Variants in ARPP21 observed in about 807,000 individuals in gnomAD.
The protein encoded by ARPP21 is cAMP-regulated phosphoprotein 21.
ARPP21 carries 69 observed loss-of-function variants against 113.2 expected under a neutral mutation model. The ratio of observed to expected loss-of-function variants is 0.61; its 90% CI spans 0.50 to 0.74. The LOEUF is 0.74. ARPP21 is among the 30% of genes least tolerant of loss of function. The pLI, the probability that ARPP21 is intolerant of heterozygous loss-of-function variation, is 0.00. For synonymous variants in ARPP21, 368 were observed against 375.5 expected, an observed-to-expected ratio of 0.98 and a Z score of 0.23; for missense variants, 1,070 against 1,037.4, an observed-to-expected ratio of 1.03 and a Z score of -0.43.
intron 19 of ARPP21, among the ~76,000 whole-genome samples, chr3:35,745,583 T>C (rs991627627): frequency 1.3e-5 from 2 of 152,192 alleles, no homozygotes; most frequent in Non-Finnish European, 1.5e-5. Context: ...ACTAAACCCA[T>C]AAACTCTAGA....
intron 13 of ARPP21, among the ~76,000 whole-genome samples, chr3:35,720,411 G>T (rs948475980): frequency 2.0e-5 from 3 of 152,284 alleles, no homozygotes; most frequent in African/African-American, 7.2e-5. Flanking sequence ...TTTTGTCGGT[G>T]AGTATTTCAA....
chr3:35,698,402 G>GAAAC (rs2084917892), intron 9 of ARPP21, among the ~76,000 whole-genome samples: 1 of 151,578 alleles, frequency 6.6e-6, no homozygotes, highest in Non-Finnish European at 1.5e-5. Context: ...TTTTGAAAAT[G>GAAAC]AAACATGCGT....
chr3:35,762,941 T>C (rs2095835955), intron 19 of ARPP21, among the ~76,000 whole-genome samples: 1 of 152,116 alleles, frequency 6.6e-6, no homozygotes, highest in South Asian at 2.1e-4. Context: ...CCTTCTTTCA[T>C]TAAACATTAC....
intron 19 of ARPP21, among the ~76,000 whole-genome samples, chr3:35,747,116 G>A (rs564599298): frequency 6.6e-6 from 1 of 152,138 alleles, no homozygotes; most frequent in East Asian, 1.9e-4. Context: ...TTTGGGAGGT[G>A]GAGGCAGGTG....
At chr3:35,675,783 G>A (rs17033672) in intron 1 of ARPP21, among the ~76,000 whole-genome samples, 1,982 of 143,332 alleles carry the variant, frequency 0.014, 71 homozygotes, top group South Asian at 0.12. Context: ...ATGTCACCAG[G>A]TACTGCTAAG....
At chr3:35,675,768 A>C (rs1051854702) in intron 1 of ARPP21, among the ~76,000 whole-genome samples, 1 of 151,102 alleles carries the variant, frequency 6.6e-6, no homozygotes, top group Non-Finnish European at 1.5e-5. Flanking sequence ...GATAAATAGC[A>C]ATGTATGTCA....
chr3:35,682,766 C>A, intron 3 of ARPP21, 82 bp from the exon 4 acceptor site: 1 of 1,053,596 alleles, frequency 9.5e-7, no homozygotes, highest in Non-Finnish European at 1.3e-6. Flanking sequence ...CTCTTTCTTT[C>A]TCTCTCTCTC....
intron 10 of ARPP21, 57 bp from the exon 11 acceptor site, chr3:35,708,912 C>G: frequency 8.3e-7 from 1 of 1,210,700 alleles, no homozygotes; most frequent in Non-Finnish European, 1.2e-6. Flanking sequence ...GTTGCTTAAC[C>G]ACAGATTTCT....
chr3:35,690,547 G>T (rs975081945), intron 8 of ARPP21, among the ~76,000 whole-genome samples: 2 of 151,512 alleles, frequency 1.3e-5, no homozygotes, highest in Non-Finnish European at 3.0e-5. Flanking sequence ...CACGTATTAT[G>T]TCACATCATT....
At chr3:35,669,853 A>G (rs1448710805) in intron 1 of ARPP21, among the ~76,000 whole-genome samples, 1 of 152,114 alleles carries the variant, frequency 6.6e-6, no homozygotes, top group Non-Finnish European at 1.5e-5. Flanking sequence ...AGAATCCATA[A>G]ATAAAATCCC....
rs542652812 is a variant in ARPP21, at chr3:35,729,667, A to C, written c.1459+131A>C. 3.6e-4 allele frequency: 264 copies of C among 742,986 alleles called. 1 individual carries two copies. The African/African-American group carries it at 4.3e-3, about 12-fold the overall frequency. The allele number at this position is 742,986 out of a possible 1,614,324, so 46.0% of individuals were successfully genotyped here. ...AAAGCTAGTTGCATGAACTGTTATG[A>C]AGCATTTTTGTTTAGAAAGAGCAGA... On this transcript the variant is annotated intron_variant, in intron 15 of 20. Coordinates refer to ENST00000684406, the MANE Select transcript of ARPP21 (RefSeq NM_001385562.1).
intron 1 of ARPP21, chr3:35,641,604 T>C (rs1040853950): frequency 1.3e-5 from 2 of 152,226 alleles, no homozygotes; most frequent in African/African-American, 4.8e-5. Flanking sequence ...AGCCGAGTAA[T>C]CTACTATCTT....
intron 5 of ARPP21, chr3:35,685,413 G>A (rs2080256800): frequency 2.0e-6 from 2 of 985,056 alleles, no homozygotes; most frequent in East Asian, 1.1e-4. Context: ...AAAACATCCA[G>A]ACACACATAT....
intron 19 of ARPP21, among the ~76,000 whole-genome samples, chr3:35,791,249 C>T (rs1000776138): frequency 2.9e-4 from 44 of 152,242 alleles, no homozygotes; most frequent in Middle Eastern, 6.8e-3. Context: ...TGTTGATTAG[C>T]TAGTTTTTAA....
At chr3:35,654,551 C>T (rs2149041284) in intron 1 of ARPP21, among the ~76,000 whole-genome samples, 1 of 152,120 alleles carries the variant, frequency 6.6e-6, no homozygotes, top group East Asian at 1.9e-4. Flanking sequence ...AAGAATTAGC[C>T]CATGTGAGCT....
chr3:35,734,690 G>T (rs748253100), intron 15 of ARPP21, among the ~76,000 whole-genome samples: 1 of 152,160 alleles, frequency 6.6e-6, no homozygotes, highest in Non-Finnish European at 1.5e-5. Context: ...GTTGCCATTC[G>T]TAAGTGAGCT....
intron 1 of ARPP21, among the ~76,000 whole-genome samples, chr3:35,675,318 T>C (rs1575681879): frequency 6.6e-6 from 1 of 151,990 alleles, no homozygotes; most frequent in Admixed American, 6.6e-5. Flanking sequence ...CTGGTCTCAA[T>C]GGTCACACAC....
intron 1 of ARPP21, among the ~76,000 whole-genome samples, chr3:35,650,942 A>G (rs1363648096): frequency 6.6e-6 from 1 of 152,148 alleles, no homozygotes; most frequent in East Asian, 1.9e-4. Context: ...AGAATTAAAA[A>G]TTAGGTTTAT....
intron 14 of ARPP21, among the ~76,000 whole-genome samples, chr3:35,725,239 T>A (rs1553700628): frequency 6.6e-6 from 1 of 152,164 alleles, no homozygotes; most frequent in Non-Finnish European, 1.5e-5. Flanking sequence ...CTATTTTTCA[T>A]GATGATTAGA....
Sources: allele counts gnomAD v4.1 joint callset (sites outside exome capture counted in the v4.1 genomes callset), GRCh38; gene constraint gnomAD v4.1.1; transcripts MANE v1.5; gene names NCBI Gene and HGNC (gene_info 2026-07-23, HGNC 2026-07-21).